Variants in ADGRV1 observed in about 807,000 individuals in gnomAD.
ADGRV1 encodes the protein G-protein coupled receptor 98.
In ADGRV1, 359 loss-of-function variants were observed where a neutral mutation model predicts 596.2. That is an observed-to-expected ratio of 0.60 (90% CI 0.55 to 0.66). ADGRV1 has a LOEUF of 0.66. Among genes scored for constraint, ADGRV1 ranks in the 30% least tolerant of loss-of-function variants. The pLI is 0.00. For missense variants in ADGRV1, 7,274 were observed against 7,575.6 expected, an observed-to-expected ratio of 0.96 and a Z score of 1.48; for synonymous variants, 2,681 against 2,679.2, an observed-to-expected ratio of 1.00 and a Z score of -0.02.
In ADGRV1 at chr5:90,881,330, G is replaced by A. The variant is rs372509764; in HGVS notation, c.17856+17473G>A. 5.3e-5 allele frequency among the ~76,000 whole-genome samples: 8 copies of A among 152,264 alleles called. No homozygotes were observed. In the South Asian group the frequency reaches 1.7e-3, roughly 32 times the overall value. On this transcript the variant is annotated intron_variant, in intron 83 of 89. Transcript: ENST00000405460. The stretch of plus-strand genomic sequence containing the variant: ...AGAATGAAAAACAGCTAACTCCAGA[G>A]CACCTGTAACCAGTGTTGCCGGAAA...
In ADGRV1 at chr5:90,627,541, C is replaced by A; in HGVS notation, c.1003C>A (p.Pro335Thr). The change falls in exon 7 of 90, where the codon CCT (proline) becomes ACT (threonine). Residue 335 changes from proline to threonine, a missense_variant. By Grantham distance (38) the Pro-to-Thr change is conservative. Coordinates refer to ENST00000405460, the MANE Select transcript of ADGRV1 (RefSeq NM_032119.4). ...GCCAAACACAACTGTTGTTTTTCCA[C>A]CTTTTATTCATGAATCTCACTTGAA... ...LQPNTTVVFP[P>T]FIHESHLKFQ... 2 of 1,613,802 alleles carry A rather than the reference C, an allele frequency of 1.2e-6. No individual in the cohort carries two copies. The highest frequency in any genetic ancestry group is 1.7e-6 in the Non-Finnish European group (2 of 1,179,752).
intron 89 of ADGRV1, among the ~76,000 whole-genome samples, chr5:91,162,402 A>C (rs1008030920): frequency 7.9e-5 from 12 of 152,110 alleles, no homozygotes; most frequent in Non-Finnish European, 1.8e-4. Flanking sequence ...CACCCCAGGC[A>C]GAGGTGCCAG....
chr5:91,060,022 T>A (rs1473427652), intron 85 of ADGRV1, among the ~76,000 whole-genome samples: 3 of 152,146 alleles, frequency 2.0e-5, no homozygotes, highest in African/African-American at 7.2e-5. Flanking sequence ...ACATATTTAT[T>A]CAATTAAAAA....
intron 20 of ADGRV1, among the ~76,000 whole-genome samples, chr5:90,656,672 C>A (rs1379244714): frequency 6.6e-6 from 1 of 152,132 alleles, no homozygotes; most frequent in Non-Finnish European, 1.5e-5. Flanking sequence ...CTTGTGACTA[C>A]CCTGAAAGAC....
At chr5:90,635,338 T>C (rs1766039507) in intron 10 of ADGRV1, 48 bp downstream of exon 10, 9 of 1,469,592 alleles carry the variant, frequency 6.1e-6, no homozygotes, top group African/African-American at 1.5e-5. Flanking sequence ...TATGAAGTAA[T>C]GTACAGACAC....
At chr5:90,820,777 A>T (rs1178289018) in intron 75 of ADGRV1, among the ~76,000 whole-genome samples, 1 of 151,790 alleles carries the variant, frequency 6.6e-6, no homozygotes, top group Non-Finnish European at 1.5e-5. Flanking sequence ...GTTTCTGCCG[A>T]GAGATCCGCT....
At chr5:91,025,476 G>A (rs572086222) in intron 85 of ADGRV1, among the ~76,000 whole-genome samples, 2 of 152,248 alleles carry the variant, frequency 1.3e-5, no homozygotes, top group African/African-American at 4.8e-5. Context: ...TGTGGACATA[G>A]AGGTTAAATA....
chr5:90,958,453 G>T (rs57218688), intron 83 of ADGRV1, among the ~76,000 whole-genome samples: 3 of 152,058 alleles, frequency 2.0e-5, no homozygotes, highest in East Asian at 3.9e-4. Flanking sequence ...CCTAATAAAG[G>T]TATCTATGAA....
At position 91,076,597 on chromosome 5, in the gene ADGRV1, A is replaced by C. The variant is rs189100018; in HGVS notation, c.18310+3993A>C. 1.8e-4 allele frequency among the ~76,000 whole-genome samples: 27 copies of C among 152,272 alleles called. No homozygotes were observed. In the East Asian group the frequency reaches 4.8e-3, roughly 27 times the overall value. Reference sequence around the variant, plus strand: ...GATAGCATTAAGAAGAGAAACTGTAATATTATCAAAGTAGAAATTAAATGA... The same window carrying C: ...GATAGCATTAAGAAGAGAAACTGTACTATTATCAAAGTAGAAATTAAATGA... On this transcript the variant is annotated intron_variant, in intron 86 of 89. Coordinates refer to ENST00000405460, the MANE Select transcript of ADGRV1 (RefSeq NM_032119.4).
intron 1 of ADGRV1, among the ~76,000 whole-genome samples, chr5:90,588,563 A>C (rs1759074505): frequency 6.6e-6 from 1 of 152,196 alleles, no homozygotes; most frequent in African/African-American, 2.4e-5. Flanking sequence ...ACGTCCCATG[A>C]CGTAGAGGTC....
At chr5:91,088,397 A>T (rs551821895) in intron 86 of ADGRV1, among the ~76,000 whole-genome samples, 7 of 152,208 alleles carry the variant, frequency 4.6e-5, no homozygotes, top group African/African-American at 1.7e-4. Flanking sequence ...CATCTTTCAC[A>T]GACTTTGTAA....
intron 1 of ADGRV1, among the ~76,000 whole-genome samples, chr5:90,589,461 T>C (rs1294155774): frequency 1.3e-5 from 2 of 152,216 alleles, no homozygotes; most frequent in Non-Finnish European, 2.9e-5. Flanking sequence ...CAATGTATTA[T>C]GGCTGAGAAA....
In ADGRV1 at chr5:90,674,230, A is replaced by G; in HGVS notation, c.5106A>G (p.Pro1702=). 1.9e-6 allele frequency: 3 copies of G among 1,593,854 alleles called. No individual in the cohort carries two copies. The highest frequency in any genetic ancestry group is 2.6e-6 in the Non-Finnish European group (3 of 1,170,446). ...TDITIKASDH[P]YGLLQFSTGL... ...TCACCATCAAAGCTAGTGATCATCCATATGGTAACCTGCTCCTTTTGCAAG... is the reference window on the plus strand; with the variant it reads ...TCACCATCAAAGCTAGTGATCATCCGTATGGTAACCTGCTCCTTTTGCAAG... The change falls in exon 23 of 90, where the codon CCA becomes CCG. Residue 1702 remains proline, a synonymous_variant. Coordinates refer to ENST00000405460, the MANE Select transcript of ADGRV1 (RefSeq NM_032119.4).
In ADGRV1 at chr5:90,765,949, A is replaced by C. The variant is rs564625996; in HGVS notation, c.12285+2480A>C. On this transcript the variant is annotated intron_variant, in intron 59 of 89. Coordinates refer to ENST00000405460, the MANE Select transcript of ADGRV1 (RefSeq NM_032119.4). ...TTTTGAGACAGAGTCTTGCTCTGTC[A>C]CCCAGGCTGGAGTGCAGTGGCGCGA... Among the ~76,000 whole-genome samples the C allele has an allele frequency of 9.6e-3, 1,453 of 151,448 alleles. 10 individuals carry two copies. The highest frequency in any genetic ancestry group is 0.034 in the Middle Eastern group (10 of 292).
chr5:90,984,752 A>G (rs1366626631), intron 84 of ADGRV1, among the ~76,000 whole-genome samples: 2 of 152,202 alleles, frequency 1.3e-5, no homozygotes, highest in Non-Finnish European at 2.9e-5. Flanking sequence ...GGGAGAGAGT[A>G]TAAATTGGGA....
At chr5:91,112,634 A>G (rs1007526280) in intron 87 of ADGRV1, among the ~76,000 whole-genome samples, 5 of 152,090 alleles carry the variant, frequency 3.3e-5, no homozygotes, top group Non-Finnish European at 7.4e-5. Context: ...AGGATCTAAA[A>G]CTTTATTCTT....
chr5:91,043,232 A>G (rs1466227156), intron 85 of ADGRV1, among the ~76,000 whole-genome samples: 1 of 152,178 alleles, frequency 6.6e-6, no homozygotes, highest in African/African-American at 2.4e-5. Context: ...ATACAAATCC[A>G]TTTGTGTTCA....
chr5:90,564,726 A>C (rs1438686379), intron 1 of ADGRV1, among the ~76,000 whole-genome samples: 1 of 48,550 alleles, frequency 2.1e-5, no homozygotes, highest in Non-Finnish European at 3.9e-5. Context: ...TCCCGGGTTC[A>C]CGCCATTCTC....
intron 1 of ADGRV1, among the ~76,000 whole-genome samples, chr5:90,610,713 G>A (rs1358065329): frequency 1.3e-5 from 2 of 151,952 alleles, no homozygotes; most frequent in African/African-American, 4.8e-5. Context: ...ATCACAAACT[G>A]GAGATTGGCG....
Sources: gnomAD v4.1 joint callset for allele counts (sites outside exome capture counted in the v4.1 genomes callset) on GRCh38, gnomAD v4.1.1 for gene constraint, MANE v1.5 for transcripts, NCBI Gene and HGNC (gene_info 2026-07-23, HGNC 2026-07-21) for gene names.